CCDC57: variants seen among roughly 807,000 people sequenced by gnomAD.
CCDC57 encodes the protein coiled-coil domain-containing protein 57.
A neutral mutation model predicts 118.9 loss-of-function variants in CCDC57; 118 were observed. The ratio of observed to expected loss-of-function variants is 0.99; its 90% CI spans 0.86 to 1.16. The LOEUF is 1.16. Ranked by LOEUF, CCDC57 falls within the 50% of genes most tolerant of loss-of-function variation. CCDC57 has a pLI of 0.00. For missense variants in CCDC57, 1,300 were observed against 1,320.7 expected, an observed-to-expected ratio of 0.98 and a Z score of 0.24; for synonymous variants, 527 against 532.9, an observed-to-expected ratio of 0.99 and a Z score of 0.15.
intron 10 of CCDC57, 81 bp from the exon 10 acceptor site, chr17:82,178,686 A>C: frequency 6.5e-7 from 1 of 1,545,816 alleles, no homozygotes; most frequent in East Asian, 2.3e-5. Context: ...TGGCACACAT[A>C]GGTGGGAGAT....
intron 16 of CCDC57, among the ~76,000 whole-genome samples, chr17:82,139,273 T>C (rs1341077761): frequency 2.6e-5 from 4 of 152,372 alleles, no homozygotes; most frequent in African/African-American, 7.2e-5. Flanking sequence ...ATTCTTGCTA[T>C]GAACAGACCT....
chr17:82,161,344 G>T (rs1419768655), intron 14 of CCDC57, among the ~76,000 whole-genome samples: 1 of 152,074 alleles, frequency 6.6e-6, no homozygotes, highest in African/African-American at 2.4e-5. Flanking sequence ...ACAGCACGGT[G>T]GCTCCTCAAA....
rs554849509 is a variant in CCDC57, at chr17:82,180,075, C to G, written c.1212-886G>C. Among the ~76,000 whole-genome samples, 7 of 152,292 alleles carry G rather than the reference C, an allele frequency of 4.6e-5. No homozygotes were observed. In the East Asian group the frequency reaches 1.2e-3, roughly 25 times the overall value. On this transcript the variant is annotated intron_variant, in intron 9 of 19. Transcript: ENST00000665763. ...GACTGGAGGGAGACTCTCCTGCTGGCCTCATTGCACCGGTAAACTTCAGGG... is the reference window on the plus strand; with the variant it reads ...GACTGGAGGGAGACTCTCCTGCTGGGCTCATTGCACCGGTAAACTTCAGGG...
At chr17:82,206,299 ACAT>A (rs2049632064) in intron 2 of CCDC57, among the ~76,000 whole-genome samples, 1 of 152,242 alleles carries the variant, frequency 6.6e-6, no homozygotes, top group Admixed American at 6.5e-5. Flanking sequence ...GTACAATGAC[ACAT>A]CATGGTTTTC....
At chr17:82,145,493 G>A (rs1355990491) in intron 16 of CCDC57, among the ~76,000 whole-genome samples, 1 of 151,968 alleles carries the variant, frequency 6.6e-6, no homozygotes, top group African/African-American at 2.4e-5. Flanking sequence ...GCTGCAGTGA[G>A]CCGAGATCGC....
chr17:82,170,604 G>A (rs1039934049), intron 13 of CCDC57, among the ~76,000 whole-genome samples: 15 of 151,466 alleles, frequency 9.9e-5, no homozygotes, highest in African/African-American at 1.9e-4. Flanking sequence ...ACATGAGCAC[G>A]CAGGGGAGAG....
intron 16 of CCDC57, chr17:82,145,802 G>A (rs769923774): frequency 4.3e-6 from 2 of 466,462 alleles, no homozygotes; most frequent in Non-Finnish European, 8.9e-6. Flanking sequence ...CCGGAACCCT[G>A]TAGCAGGCAG....
Position 82,172,960 on chromosome 17 carries a change from G to T in CCDC57, c.1507-100C>A. 9.5e-7 allele frequency: 1 copy of T among 1,053,046 alleles called. No homozygotes were observed. 65.2% of individuals were successfully genotyped at this position (1,053,046 alleles called of 1,614,324 possible). A position where few individuals can be genotyped will look rare whatever the true frequency, so the allele number is the denominator to read the frequency against. On this transcript the variant is annotated intron_variant, in intron 11 of 19. Transcript: ENST00000665763. The surrounding 1 kb of genome is among the most constrained non-coding windows in gnomAD (Gnocchi z 5.2). ...CTCTCCCCGCGCCCCTCTCGGGCCG[G>T]TCCCCCGCTTCAGCTTGGGCTGTGG...
intron 16 of CCDC57, among the ~76,000 whole-genome samples, chr17:82,142,196 T>C (rs1251133655): frequency 6.6e-6 from 1 of 152,236 alleles, no homozygotes; most frequent in East Asian, 1.9e-4. Flanking sequence ...AACGCATAGT[T>C]AAATAAGTAT....
intron 13 of CCDC57, 103 bp downstream of exon 12, chr17:82,171,598 T>A: frequency 7.8e-7 from 1 of 1,288,776 alleles, no homozygotes; most frequent in East Asian, 2.4e-5. Flanking sequence ...CCCCAACGTC[T>A]GCAGTAGCCT....
chr17:82,176,498 C>T (rs990916451), intron 11 of CCDC57, among the ~76,000 whole-genome samples: 2 of 152,206 alleles, frequency 1.3e-5, no homozygotes, highest in East Asian at 3.9e-4. Context: ...TACGTCCTCA[C>T]GCCCTCACCT....
Position 82,162,486 on chromosome 17 carries a change from G to A in CCDC57, c.2040+714C>T, listed in dbSNP as rs141064245. Among the ~76,000 whole-genome samples, 353 of 152,042 alleles carry A rather than the reference G, an allele frequency of 2.3e-3. 3 individuals carry two copies. Among genetic ancestry groups the A allele is most frequent in the African/African-American group, 8.2e-3 (338 of 41,268 alleles). On this transcript the variant is annotated intron_variant, in intron 14 of 19. Transcript: ENST00000665763. The stretch of plus-strand genomic sequence containing the variant: ...GGCCCAGGAGGTTGAAAAGAACAGC[G>A]CTTGCCGGGGCCCTAGTATCTCAGA...
At chr17:82,198,107 T>C (rs572412513) in intron 4 of CCDC57, among the ~76,000 whole-genome samples, 52 of 152,174 alleles carry the variant, frequency 3.4e-4, no homozygotes, top group Non-Finnish European at 5.6e-4. Context: ...AAGGAAACAC[T>C]GTGGAGGTGG....
rs550314118 is a variant in CCDC57, at chr17:82,183,906, T to G, written c.1079A>C (p.Lys360Thr). 84 of 1,613,444 alleles carry G rather than the reference T, an allele frequency of 5.2e-5. No individual in the cohort carries two copies. Among genetic ancestry groups the G allele is most frequent in the Admixed American group, 2.2e-4 (13 of 59,938 alleles). The change falls in exon 9 of 20, where the codon AAA becomes ACA. Residue 360 changes from lysine to threonine, a missense_variant. Physicochemically the swap from Lys to Thr is moderately conservative, Grantham distance 78. Coordinates refer to ENST00000665763, the Ensembl canonical transcript of CCDC57. The stretch of plus-strand genomic sequence containing the variant: ...AGCAATTTGAGCATCCCAGGCAGAT[T>G]TTACAGTTGATGCATCTTCACGAAG...
intron 9 of CCDC57, among the ~76,000 whole-genome samples, chr17:82,179,478 AC>A (rs1180935843): frequency 6.6e-6 from 1 of 152,240 alleles, no homozygotes; most frequent in Non-Finnish European, 1.5e-5. Context: ...GAGGAAAGCA[AC>A]AACCTTAAAA....
At chr17:82,195,853 T>C (rs2048237030) in intron 4 of CCDC57, among the ~76,000 whole-genome samples, 1 of 151,912 alleles carries the variant, frequency 6.6e-6, no homozygotes, top group Non-Finnish European at 1.5e-5. Flanking sequence ...AGGATCGGAC[T>C]ACCCAGAACC....
At chr17:82,201,829 G>A (rs1225500445) in exon 3 of CCDC57, 4 of 1,613,582 alleles carry the variant, frequency 2.5e-6, no homozygotes, top group African/African-American at 2.7e-5. Flanking sequence ...CTGGCTCCGT[G>A]TGTCCTGCAG....
At chr17:82,146,146 A>G (rs1437376341) in intron 16 of CCDC57, among the ~76,000 whole-genome samples, 1 of 152,208 alleles carries the variant, frequency 6.6e-6, no homozygotes, top group African/African-American at 2.4e-5. Context: ...GGACTAGAGA[A>G]GCATCTAGAA....
At chr17:82,141,600 A>G (rs987157523) in intron 16 of CCDC57, among the ~76,000 whole-genome samples, 9 of 152,230 alleles carry the variant, frequency 5.9e-5, no homozygotes, top group Non-Finnish European at 1.5e-5. Flanking sequence ...CGCTGCACCT[A>G]TGGAAATAAC....
Sources: gnomAD v4.1 joint callset for allele counts (sites outside exome capture counted in the v4.1 genomes callset) on GRCh38, gnomAD v4.1.1 for gene constraint, Gnocchi (gnomAD v3.1) non-coding constraint, MANE v1.5 for transcripts, NCBI Gene and HGNC (gene_info 2026-07-23, HGNC 2026-07-21) for gene names.